Variants in CDH12 observed in about 807,000 individuals in gnomAD.
CDH12 encodes cadherin-12.
CDH12 carries 41 observed loss-of-function variants against 74.1 expected under a neutral mutation model. The ratio of observed to expected loss-of-function variants is 0.55; its 90% CI spans 0.43 to 0.72. The LOEUF (loss-of-function observed/expected upper bound fraction) is 0.72, where lower values mean the gene tolerates loss of function less well. Ranked by LOEUF, CDH12 falls within the 30% of genes least tolerant of loss-of-function variation. The pLI is 0.00. For missense variants in CDH12, 945 were observed against 977.2 expected (o/e 0.97, Z 0.44); for synonymous variants, 399 against 355.0 (o/e 1.12, Z -1.39).
At chr5:22,392,415 A>G (rs929474973) in intron 3 of CDH12, among the ~76,000 whole-genome samples, 1 of 152,174 alleles carries the variant, frequency 6.6e-6, no homozygotes, top group East Asian at 1.9e-4. Flanking sequence ...TACCATTAGT[A>G]ATTTTGTGAC....
At chr5:22,651,124 A>G (rs1020623607) in intron 1 of CDH12, among the ~76,000 whole-genome samples, 3 of 152,078 alleles carry the variant, frequency 2.0e-5, no homozygotes, top group African/African-American at 7.2e-5. Context: ...TCCAAAATAT[A>G]TTTTAAAGTC....
chr5:22,505,399 C>T, intron 1 of CDH12, 35 bp from the exon 2 acceptor site: 2 of 657,886 alleles, frequency 3.0e-6, no homozygotes, highest in East Asian at 1.4e-4. Flanking sequence ...AGAATGTTAA[C>T]TATCTTTTCT....
At chr5:22,264,516 A>G (rs895915560) in intron 3 of CDH12, among the ~76,000 whole-genome samples, 1 of 152,196 alleles carries the variant, frequency 6.6e-6, no homozygotes, top group Non-Finnish European at 1.5e-5. Context: ...TTCAATACAT[A>G]CAAGTTGAAG....
chr5:21,962,775 A>T (rs1231355633), intron 6 of CDH12, among the ~76,000 whole-genome samples: 2 of 152,148 alleles, frequency 1.3e-5, no homozygotes, highest in Admixed American at 6.6e-5. Flanking sequence ...CATAGTCTTT[A>T]CTGAAAGAAA....
At chr5:22,277,263 C>T (rs552538159) in intron 3 of CDH12, among the ~76,000 whole-genome samples, 1 of 152,334 alleles carries the variant, frequency 6.6e-6, no homozygotes, top group African/African-American at 2.4e-5. Context: ...GCCACGAATG[C>T]TCTCAATGGC....
chr5:22,734,688 C>A lies in CDH12; in HGVS notation c.-523+118370G>T, dbSNP rs865924726. Among the ~76,000 whole-genome samples the A allele has an allele frequency of 3.3e-5, 5 of 151,960 alleles. No individual in the cohort carries two copies. The South Asian group carries it at 1.0e-3, about 31-fold the overall frequency. On this transcript the variant is annotated intron_variant, in intron 1 of 14. Coordinates refer to ENST00000382254, the MANE Select transcript of CDH12 (RefSeq NM_004061.5). ...GCCATTACCATGAAAAAGAATGATTCTCTCACTAATGAGTTGAATTTCCCC... is the reference window on the plus strand; with the variant it reads ...GCCATTACCATGAAAAAGAATGATTATCTCACTAATGAGTTGAATTTCCCC...
At chr5:22,249,176 G>A (rs7723571) in intron 3 of CDH12, among the ~76,000 whole-genome samples, 52,284 of 151,954 alleles carry the variant, frequency 0.34, 9,414 homozygotes, top group East Asian at 0.49. Context: ...CTGGACCATA[G>A]TGTCAATTAA....
chr5:22,515,905 T>C (rs1221437408), intron 1 of CDH12, among the ~76,000 whole-genome samples: 2 of 152,064 alleles, frequency 1.3e-5, no homozygotes, highest in Non-Finnish European at 1.5e-5. Context: ...TAAATTTCTA[T>C]ACAACATATA....
chr5:22,392,520 G>A (rs1372074841), intron 3 of CDH12, among the ~76,000 whole-genome samples: 3 of 152,094 alleles, frequency 2.0e-5, no homozygotes, highest in Non-Finnish European at 2.9e-5. Flanking sequence ...ATTAACATTC[G>A]TCAGTGCTTA....
intron 1 of CDH12, among the ~76,000 whole-genome samples, chr5:22,818,617 C>T (rs1749509810): frequency 6.6e-6 from 1 of 152,098 alleles, no homozygotes; most frequent in Non-Finnish European, 1.5e-5. Context: ...AACAATGATT[C>T]TGCTTAAGTA....
At chr5:22,091,317 C>G (rs1036659001) in intron 4 of CDH12, among the ~76,000 whole-genome samples, 4 of 144,636 alleles carry the variant, frequency 2.8e-5, no homozygotes, top group African/African-American at 1.0e-4. Context: ...GAGAGAGAAA[C>G]AGAGGGAGAG....
intron 1 of CDH12, among the ~76,000 whole-genome samples, chr5:22,517,069 T>C (rs1736845355): frequency 6.6e-6 from 1 of 152,020 alleles, no homozygotes; most frequent in African/African-American, 2.4e-5. Flanking sequence ...TAAGGTTATA[T>C]ATCAGTAGGA....
intron 4 of CDH12, among the ~76,000 whole-genome samples, chr5:22,188,812 T>C (rs1408192008): frequency 1.3e-5 from 2 of 152,196 alleles, no homozygotes; most frequent in Admixed American, 1.3e-4. Context: ...GCATGGATTC[T>C]GTAAAGGAGG....
intron 3 of CDH12, among the ~76,000 whole-genome samples, chr5:22,268,724 T>C (rs1396193072): frequency 1.3e-5 from 2 of 152,150 alleles, no homozygotes; most frequent in African/African-American, 2.4e-5. Flanking sequence ...CAGTGTAGTA[T>C]GATTTGGCAA....
intron 1 of CDH12, among the ~76,000 whole-genome samples, chr5:22,666,409 C>T (rs901224098): frequency 6.6e-6 from 1 of 151,290 alleles, no homozygotes; most frequent in Non-Finnish European, 1.5e-5. Flanking sequence ...CCTGCCTCAG[C>T]CTCCCGAGTA....
intron 5 of CDH12, among the ~76,000 whole-genome samples, chr5:21,991,429 C>A (rs1240301544): frequency 8.0e-6 from 1 of 124,474 alleles, no homozygotes; most frequent in African/African-American, 2.9e-5. Context: ...ATGGTATTTT[C>A]TTTTGCTCAG....
intron 6 of CDH12, among the ~76,000 whole-genome samples, chr5:21,966,318 T>G (rs903684491): frequency 3.3e-5 from 5 of 152,144 alleles, no homozygotes; most frequent in African/African-American, 9.7e-5. Flanking sequence ...AAGGACCAGA[T>G]AGTAAATATT....
At chr5:22,033,237 T>G (rs533898451) in intron 5 of CDH12, among the ~76,000 whole-genome samples, 1 of 152,314 alleles carries the variant, frequency 6.6e-6, no homozygotes, top group South Asian at 2.1e-4. Flanking sequence ...TTTCTCATTA[T>G]GTAGTCTCAG....
chr5:22,576,692 A>G (rs149917128), intron 1 of CDH12, among the ~76,000 whole-genome samples: 107 of 148,574 alleles, frequency 7.2e-4, no homozygotes, highest in Middle Eastern at 3.6e-3. Flanking sequence ...AAAAAATCCT[A>G]TGTAGATCTC....
Sources: gnomAD v4.1 joint callset for allele counts (sites outside exome capture counted in the v4.1 genomes callset) on GRCh38, gnomAD v4.1.1 for gene constraint, MANE v1.5 for transcripts, NCBI Gene and HGNC (gene_info 2026-07-23, HGNC 2026-07-21) for gene names.